The following INTS6 variants were observed in gnomAD, a reference collection of about 807,000 sequenced individuals.
INTS6 encodes DEAD box protein.
In INTS6, 16 loss-of-function variants were observed where a neutral mutation model predicts 104.9. The ratio of observed to expected loss-of-function variants is 0.15; its 90% CI spans 0.10 to 0.23. The LOEUF (loss-of-function observed/expected upper bound fraction) is 0.23, where lower values mean the gene tolerates loss of function less well. Ranked by LOEUF, INTS6 falls within the 10% of genes least tolerant of loss-of-function variation. The probability of loss-of-function intolerance (pLI) is 1.00; values close to 1 mark genes in which losing one functional copy is unlikely to be tolerated. For missense variants in INTS6, 584 were observed against 1,062.8 expected (o/e 0.55, Z 6.26); for synonymous variants, 324 against 358.7 (o/e 0.90, Z 1.09).
intron 4 of INTS6, among the ~76,000 whole-genome samples, chr13:51,427,379 A>G (rs1957003606): frequency 6.6e-6 from 1 of 152,222 alleles, no homozygotes; most frequent in Non-Finnish European, 1.5e-5. Context: ...AATACAGATC[A>G]TATCTAGCAT....
chr13:51,402,254 ATACT>A (rs1334824710), intron 4 of INTS6, among the ~76,000 whole-genome samples: 7 of 152,222 alleles, frequency 4.6e-5, no homozygotes. Flanking sequence ...AATGGGATAG[ATACT>A]ATTATTATCC....
At chr13:51,380,045 T>C (rs962314612) in intron 10 of INTS6, among the ~76,000 whole-genome samples, 3 of 152,026 alleles carry the variant, frequency 2.0e-5, no homozygotes, top group Non-Finnish European at 4.4e-5. Context: ...ATTTGTAAAA[T>C]GGGGATAATA....
intron 9 of INTS6, among the ~76,000 whole-genome samples, chr13:51,382,462 A>C (rs974510732): frequency 6.6e-6 from 1 of 152,242 alleles, no homozygotes; most frequent in Non-Finnish European, 1.5e-5. Context: ...TATTTTGACT[A>C]TAACTTTTAA....
chr13:51,401,104 G>A (rs567252989), intron 4 of INTS6, among the ~76,000 whole-genome samples: 42 of 152,092 alleles, frequency 2.8e-4, no homozygotes, highest in Non-Finnish European at 4.7e-4. Flanking sequence ...TGCCTCAACT[G>A]AACAAGAGAA....
At chr13:51,427,193 C>T (rs1957000275) in intron 4 of INTS6, among the ~76,000 whole-genome samples, 1 of 152,084 alleles carries the variant, frequency 6.6e-6, no homozygotes, top group Non-Finnish European at 1.5e-5. Flanking sequence ...GTCATACCAA[C>T]ACCAGCCACA....
intron 4 of INTS6, among the ~76,000 whole-genome samples, chr13:51,409,690 A>T (rs1956647626): frequency 6.6e-6 from 1 of 152,074 alleles, no homozygotes; most frequent in African/African-American, 2.4e-5. Flanking sequence ...ATTAAATGTT[A>T]ATGTTAACAA....
the INTS6 span, among the ~76,000 whole-genome samples, chr13:51,336,994 G>A: frequency 1.3e-5 from 2 of 152,246 alleles, no homozygotes; most frequent in Non-Finnish European, 2.9e-5. Flanking sequence ...AGGACAGGTG[G>A]AGGCTCACCT....
chr13:51,366,835 G>T (rs1955701692), intron 17 of INTS6, among the ~76,000 whole-genome samples: 1 of 152,026 alleles, frequency 6.6e-6, no homozygotes, highest in Non-Finnish European at 1.5e-5. Flanking sequence ...GGGGGACAAA[G>T]TATAAGTGTG....
intron 4 of INTS6, among the ~76,000 whole-genome samples, chr13:51,399,111 C>A (rs1566225090): frequency 6.6e-6 from 1 of 152,160 alleles, no homozygotes; most frequent in Non-Finnish European, 1.5e-5. Context: ...TGGTTTATGG[C>A]TTCTTTCATC....
the INTS6 span, chr13:51,347,244 G>C: frequency 6.2e-7 from 1 of 1,611,844 alleles, no homozygotes; most frequent in Non-Finnish European, 8.5e-7. Flanking sequence ...GGTGAGCTCT[G>C]CCCCTGCTGG....
intron 3 of INTS6, chr13:51,436,353 G>C (rs1004440506): frequency 6.6e-6 from 1 of 152,106 alleles, no homozygotes; most frequent in African/African-American, 2.4e-5. Context: ...TACAGCTACA[G>C]AAAACATGTT....
At chr13:51,429,751 G>A (rs1229679103) in intron 4 of INTS6, among the ~76,000 whole-genome samples, 19 of 100,232 alleles carry the variant, frequency 1.9e-4, no homozygotes, top group Non-Finnish European at 3.0e-4. Context: ...GCAACAGAGT[G>A]AGACTCTGTC....
chr13:51,381,604 T>C (rs1276572208), intron 10 of INTS6, among the ~76,000 whole-genome samples: 1 of 152,204 alleles, frequency 6.6e-6, no homozygotes, highest in African/African-American at 2.4e-5. Flanking sequence ...GTCATCTGTA[T>C]GCTCAATTTT....
At chr13:51,395,958 C>T (rs557931311) in intron 4 of INTS6, among the ~76,000 whole-genome samples, 6 of 152,188 alleles carry the variant, frequency 3.9e-5, no homozygotes, top group African/African-American at 1.4e-4. Context: ...ACACCACGCC[C>T]AGCTAATTTT....
intron 3 of INTS6, chr13:51,355,223 T>TTCCACAGAGCCTTCAGTGGTAAACAA (rs6145055): frequency 0.18 from 125,918 of 683,636 alleles, 12,599 homozygotes; most frequent in South Asian, 0.26. Context: ...GGATTCTCAT[T>TTCCACAGAGCCTTCAGTGGTAAACAA]TCAGAGTCAA....
chr13:51,416,761 ATAAGG>A lies in INTS6; in HGVS notation c.429+13528_429+13532del, dbSNP rs1956795111. On this transcript the variant is annotated intron_variant, in intron 4 of 17. Coordinates refer to ENST00000311234, the MANE Select transcript of INTS6 (RefSeq NM_012141.3). ...CCAGAATAGAATTATTGGAGTTAGC[ATAAGG>A]TAACTCTATGTTTAACTTTTTGAAG... Among the ~76,000 whole-genome samples the A allele has an allele frequency of 2.6e-5, 4 of 152,312 alleles. No homozygotes were observed. The South Asian group carries it at 8.3e-4, about 32-fold the overall frequency.
At chr13:51,441,519 A>G (rs1002095511) in intron 3 of INTS6, 11 of 152,192 alleles carry the variant, frequency 7.2e-5, no homozygotes, top group African/African-American at 2.7e-4. Context: ...TATAATGCTT[A>G]GAAATTTTCA....
chr13:51,389,638 A>G (rs1288055887), intron 5 of INTS6, among the ~76,000 whole-genome samples, 194 bp from the exon 6 acceptor site: 1 of 152,126 alleles, frequency 6.6e-6, no homozygotes, highest in Non-Finnish European at 1.5e-5. Context: ...TTTCCAACCA[A>G]CCAACAATCC....
Position 51,362,229 on chromosome 13 carries a change from C to G in INTS6, c.*3523G>C, listed in dbSNP as rs1225114412. On this transcript the variant is annotated 3_prime_UTR_variant, in exon 18 of 18. Transcript: ENST00000311234. ...AATTATAAATCTTGCCCTTTTTTCCCTTTGTCCCCTAGCTTTCTTATCATT... is the reference window on the plus strand; with the variant it reads ...AATTATAAATCTTGCCCTTTTTTCCGTTTGTCCCCTAGCTTTCTTATCATT... 1 of 485,014 alleles carries G rather than the reference C, an allele frequency of 2.1e-6. No homozygotes were observed. The highest frequency in any genetic ancestry group is 4.3e-5 in the Admixed American group (1 of 23,280). 30.0% of individuals were successfully genotyped at this position (485,014 alleles called of 1,614,324 possible).
Sources: allele counts gnomAD v4.1 joint callset (sites outside exome capture counted in the v4.1 genomes callset), GRCh38; gene constraint gnomAD v4.1.1; transcripts MANE v1.5; gene names NCBI Gene and HGNC (gene_info 2026-07-23, HGNC 2026-07-21).